Variants in TENM4 observed in about 807,000 individuals in gnomAD.
TENM4 encodes the protein teneurin transmembrane protein 4, also known as teneurin-4.
Under a neutral mutation model 243.3 loss-of-function variants are expected in TENM4, and 82 were observed. The ratio of observed to expected loss-of-function variants is 0.34; its 90% confidence interval spans 0.28 to 0.40. The LOEUF is 0.40. Ranked by LOEUF, TENM4 falls within the 10% of genes least tolerant of loss-of-function variation. TENM4 has a pLI of 1.00. For synonymous variants in TENM4, 1,412 were observed against 1,456.3 expected (o/e 0.97, Z 0.69); for missense variants, 3,138 against 3,673.3 (o/e 0.85, Z 3.77).
chr11:79,146,400 T>C (rs889811312), intron 4 of TENM4, among the ~76,000 whole-genome samples: 1 of 152,076 alleles, frequency 6.6e-6, no homozygotes, highest in African/African-American at 2.4e-5. Flanking sequence ...TTCCAATTCT[T>C]CTGAATTTAA....
intron 27 of TENM4, among the ~76,000 whole-genome samples, chr11:78,707,175 A>G (rs1037052410): frequency 1.3e-5 from 2 of 152,224 alleles, no homozygotes; most frequent in East Asian, 3.8e-4. Context: ...AAGGGGTTTA[A>G]AAAGCTAAAT....
At chr11:79,229,421 T>C (rs1241060304) in intron 2 of TENM4, among the ~76,000 whole-genome samples, 3 of 152,218 alleles carry the variant, frequency 2.0e-5, no homozygotes, top group South Asian at 4.1e-4. Context: ...TATCCTTTCA[T>C]AGTTTCATGT....
At chr11:79,308,275 T>C (rs1193079097) in intron 1 of TENM4, among the ~76,000 whole-genome samples, 2 of 152,212 alleles carry the variant, frequency 1.3e-5, no homozygotes, top group African/African-American at 4.8e-5. Flanking sequence ...AAAATGAAAA[T>C]AAGATTACAA....
At chr11:79,021,955 G>A (rs1425562836) in intron 6 of TENM4, among the ~76,000 whole-genome samples, 3 of 152,214 alleles carry the variant, frequency 2.0e-5, no homozygotes, top group Admixed American at 2.0e-4. Context: ...GGAGAGGTGT[G>A]TGTGTGGCAT....
intron 3 of TENM4, among the ~76,000 whole-genome samples, chr11:79,208,633 C>A (rs1345549048): frequency 6.6e-6 from 1 of 152,194 alleles, no homozygotes; most frequent in Non-Finnish European, 1.5e-5. Flanking sequence ...AAGTCATTGA[C>A]CCTCTCTGAG....
intron 6 of TENM4, among the ~76,000 whole-genome samples, chr11:78,937,707 A>T (rs1289517900): frequency 6.6e-6 from 1 of 152,200 alleles, no homozygotes; most frequent in Non-Finnish European, 1.5e-5. Flanking sequence ...GAAGCTGTTC[A>T]TCTGGCCTTC....
chr11:78,892,845 C>A (rs1855700146), intron 7 of TENM4, among the ~76,000 whole-genome samples: 1 of 152,342 alleles, frequency 6.6e-6, no homozygotes, highest in African/African-American at 2.4e-5. Context: ...GAGAGCCAAG[C>A]TGGAGCCTGG....
At chr11:79,398,186 T>G (rs1428169111) in intron 1 of TENM4, among the ~76,000 whole-genome samples, 1 of 152,000 alleles carries the variant, frequency 6.6e-6, no homozygotes, top group East Asian at 1.9e-4. Context: ...TTTCCTATGC[T>G]TTGCAACTCC....
intron 1 of TENM4, among the ~76,000 whole-genome samples, chr11:79,393,402 A>T (rs1440706753): frequency 6.6e-6 from 1 of 152,114 alleles, no homozygotes; most frequent in Non-Finnish European, 1.5e-5. Flanking sequence ...TAATCCTAGC[A>T]CCTTCACAGG....
At chr11:78,694,865 C>T (rs1208218073) in intron 28 of TENM4, among the ~76,000 whole-genome samples, 4 of 152,264 alleles carry the variant, frequency 2.6e-5, no homozygotes, top group Non-Finnish European at 2.9e-5. Context: ...ACAGTGGCTG[C>T]GTGGATCCAT....
intron 4 of TENM4, among the ~76,000 whole-genome samples, chr11:79,078,306 T>C (rs1409490096): frequency 2.6e-5 from 4 of 152,224 alleles, no homozygotes; most frequent in Non-Finnish European, 5.9e-5. Context: ...CCCATAAATA[T>C]TTCAGAGCTA....
At chr11:79,188,655 G>T (rs1009223517) in intron 3 of TENM4, among the ~76,000 whole-genome samples, 1 of 151,438 alleles carries the variant, frequency 6.6e-6, no homozygotes, top group African/African-American at 2.4e-5. Context: ...GCAAGCAGAA[G>T]AGAAGTGAGG....
chr11:78,701,500 T>C (rs935136435), intron 28 of TENM4, 26 bp downstream of exon 28: 1 of 1,535,838 alleles, frequency 6.5e-7, no homozygotes, highest in Non-Finnish European at 8.8e-7. Flanking sequence ...AACAAAATCA[T>C]CAAATGGCCT....
At chr11:78,897,289 C>T (rs951188955) in intron 7 of TENM4, among the ~76,000 whole-genome samples, 21 of 152,280 alleles carry the variant, frequency 1.4e-4, no homozygotes, top group African/African-American at 4.6e-4. Context: ...CCAGAGTCTA[C>T]CCCAGGCTTC....
rs141774240 is a variant in TENM4 at position 79,034,094 on chromosome 11, C to T, written c.493+30644G>A. ...TGGGAGTAATAACATGCAGCTCACT[C>T]AGGTCTATTTTGAGGACATGGAGGT... On this transcript the variant is annotated intron_variant, in intron 6 of 33. Coordinates refer to ENST00000278550, the MANE Select transcript of TENM4 (RefSeq NM_001098816.3). 6.8e-3 allele frequency among the ~76,000 whole-genome samples: 1,030 copies of T among 152,302 alleles called. 10 individuals are homozygous for T. The highest frequency in any genetic ancestry group is 0.023 in the African/African-American group (955 of 41,544).
In TENM4 at chr11:78,787,053, C is replaced by T. The variant is rs753325324; in HGVS notation, c.2210G>A (p.Gly737Asp). The T allele has an allele frequency of 2.3e-5, 36 of 1,550,358 alleles. No homozygotes were observed. In the Middle Eastern group the frequency reaches 5.1e-4, roughly 22 times the overall value. The change falls in exon 16 of 34, where the codon GGC becomes GAC. Residue 737 changes from glycine to aspartate, a missense_variant. Coordinates refer to ENST00000278550, the MANE Select transcript of TENM4 (RefSeq NM_001098816.3). Reference sequence around the variant, plus strand: ...GCGGCAGGTGCCCCCTACGCACACGCCATGGCCACCACAGTCGGCAGCACA... The same window carrying T: ...GCGGCAGGTGCCCCCTACGCACACGTCATGGCCACCACAGTCGGCAGCACA... ...EICAADCGGH[G>D]VCVGGTCRCE...
At chr11:79,007,557 G>A (rs549474290) in intron 6 of TENM4, among the ~76,000 whole-genome samples, 11 of 152,240 alleles carry the variant, frequency 7.2e-5, no homozygotes, top group East Asian at 1.9e-4. Flanking sequence ...AGGTCTGGTC[G>A]TTGCTAAGAG....
intron 1 of TENM4, among the ~76,000 whole-genome samples, chr11:79,378,603 T>A (rs1857938004): frequency 6.6e-6 from 1 of 152,128 alleles, no homozygotes; most frequent in Non-Finnish European, 1.5e-5. Flanking sequence ...AAGGGGCAGG[T>A]GCAGGCTCCA....
chr11:79,379,839 A>C (rs1857965641), intron 1 of TENM4, among the ~76,000 whole-genome samples: 1 of 152,148 alleles, frequency 6.6e-6, no homozygotes, highest in Non-Finnish European at 1.5e-5. Flanking sequence ...AAAATGAGAC[A>C]GCTTCTAGGG....
Sources: gnomAD v4.1 joint callset for allele counts (sites outside exome capture counted in the v4.1 genomes callset) on GRCh38, gnomAD v4.1.1 for gene constraint, MANE v1.5 for transcripts, NCBI Gene and HGNC (gene_info 2026-07-23, HGNC 2026-07-21) for gene names.